DPF3: variants seen among roughly 807,000 people sequenced by gnomAD.
The protein encoded by DPF3 is double PHD fingers 3.
A neutral mutation model predicts 56.8 loss-of-function variants in DPF3; 18 were observed. That is an observed-to-expected ratio of 0.32 (90% CI 0.22 to 0.47). The LOEUF is 0.47. DPF3 is among the 20% of genes least tolerant of loss of function. The probability of loss-of-function intolerance (pLI) is 1.00; values close to 1 mark genes in which losing one functional copy is unlikely to be tolerated. For missense variants in DPF3, 403 were observed against 488.8 expected, an observed-to-expected ratio of 0.82 and a Z score of 1.65; for synonymous variants, 188 against 180.2, an observed-to-expected ratio of 1.04 and a Z score of -0.35.
rs912898554 is a variant in DPF3, at chr14:72,750,890, G to A, written c.301+2374C>T. Among the ~76,000 whole-genome samples, 13 of 144,060 alleles carry A rather than the reference G, an allele frequency of 9.0e-5. No individual in the cohort carries two copies. The Admixed American group carries it at 9.2e-4, about 10-fold the overall frequency. 94.5% of individuals were successfully genotyped at this position (144,060 alleles called of 152,430 possible). On this transcript the variant is annotated intron_variant, in intron 3 of 10. Transcript: ENST00000556509. ...GATACAGTATATCCTTTTATCTTTT[G>A]AATGTCAAAATATGTGACTGCCAGG...
intron 8 of DPF3, among the ~76,000 whole-genome samples, chr14:72,663,753 G>C (rs11849782): frequency 0.41 from 62,448 of 151,922 alleles, 13,450 homozygotes; most frequent in East Asian, 0.69. Context: ...GGAGAAGAGG[G>C]AGAATGGGCC....
chr14:72,627,373 AC>A (rs1343448130), intron 9 of DPF3, among the ~76,000 whole-genome samples: 1 of 152,042 alleles, frequency 6.6e-6, no homozygotes, highest in Non-Finnish European at 1.5e-5. Flanking sequence ...TCAAATGGCT[AC>A]CCCATTGTCC....
At chr14:72,827,663 A>G (rs1283730252) in intron 1 of DPF3, among the ~76,000 whole-genome samples, 1 of 151,926 alleles carries the variant, frequency 6.6e-6, no homozygotes, top group Non-Finnish European at 1.5e-5. Context: ...TACTTTTAGT[A>G]GAGACAGGGC....
chr14:72,763,904 T>G (rs957910878), intron 2 of DPF3, among the ~76,000 whole-genome samples: 3 of 152,200 alleles, frequency 2.0e-5, no homozygotes, highest in Non-Finnish European at 4.4e-5. Flanking sequence ...AATAGCTCAA[T>G]TTTAAAATGG....
chr14:72,804,409 C>A (rs187722770), intron 1 of DPF3, among the ~76,000 whole-genome samples: 19 of 152,278 alleles, frequency 1.2e-4, no homozygotes, highest in Admixed American at 1.2e-3. Flanking sequence ...CTGGATACCA[C>A]CCCACCAGGA....
intron 1 of DPF3, among the ~76,000 whole-genome samples, chr14:72,831,207 C>T (rs1161494498): frequency 2.0e-5 from 3 of 152,132 alleles, no homozygotes; most frequent in South Asian, 2.1e-4. Flanking sequence ...CTCAAGGAAA[C>T]GTGACGCGGG....
At chr14:72,817,454 C>T (rs536488733) in intron 1 of DPF3, among the ~76,000 whole-genome samples, 5 of 152,104 alleles carry the variant, frequency 3.3e-5, no homozygotes, top group Admixed American at 1.3e-4. Flanking sequence ...GTCAGAGGTT[C>T]GAGACCAGCC....
intron 1 of DPF3, among the ~76,000 whole-genome samples, chr14:72,780,773 T>C (rs1227438941): frequency 2.6e-5 from 3 of 114,730 alleles, no homozygotes; most frequent in African/African-American, 1.0e-4. Flanking sequence ...TCTCCTTCTC[T>C]GAACTTTACA....
chr14:72,734,109 G>A (rs1259762195), intron 3 of DPF3, among the ~76,000 whole-genome samples: 1 of 152,216 alleles, frequency 6.6e-6, no homozygotes, highest in African/African-American at 2.4e-5. Context: ...TGGGACTAGG[G>A]ACATAGGAGG....
chr14:72,846,328 C>CTTTT (rs10563066), intron 1 of DPF3, among the ~76,000 whole-genome samples: 52 of 62,444 alleles, frequency 8.3e-4, no homozygotes, highest in Admixed American at 1.8e-3. Flanking sequence ...CCAGGCTAGT[C>CTTTT]TTTTTTTTTT....
intron 1 of DPF3, among the ~76,000 whole-genome samples, chr14:72,802,620 G>A (rs1892935770): frequency 6.6e-6 from 1 of 152,136 alleles, no homozygotes; most frequent in Non-Finnish European, 1.5e-5. Context: ...TAGTTCCTGA[G>A]TACATGGATT....
At chr14:72,629,603 C>T in intron 9 of DPF3, 21 bp downstream of exon 9, 1 of 1,530,408 alleles carries the variant, frequency 6.5e-7, no homozygotes, top group Non-Finnish European at 8.8e-7. Flanking sequence ...CTCCCTCCCA[C>T]AGGGAAAGCC....
intron 1 of DPF3, among the ~76,000 whole-genome samples, chr14:72,842,169 C>A (rs529287427): frequency 6.6e-6 from 1 of 151,818 alleles, no homozygotes; most frequent in East Asian, 1.9e-4. Context: ...ATAATTGGCA[C>A]CCCTTTGGAA....
chr14:72,784,030 T>A (rs1000472304), intron 1 of DPF3, among the ~76,000 whole-genome samples: 1 of 152,146 alleles, frequency 6.6e-6, no homozygotes, highest in Non-Finnish European at 1.5e-5. Context: ...TGCCCTCCTG[T>A]CAGAGTTGGT....
intron 6 of DPF3, among the ~76,000 whole-genome samples, chr14:72,702,137 G>A (rs1053451283): frequency 6.6e-6 from 1 of 152,142 alleles, no homozygotes; most frequent in African/African-American, 2.4e-5. Flanking sequence ...GTGACTGAAA[G>A]GTGCGCTGGT....
chr14:72,622,256 C>G (rs937434424), intron 9 of DPF3, among the ~76,000 whole-genome samples: 1 of 152,126 alleles, frequency 6.6e-6, no homozygotes, highest in African/African-American at 2.4e-5. Context: ...CAAGAGTTTA[C>G]TGAGAAGAAG....
intron 4 of DPF3, among the ~76,000 whole-genome samples, chr14:72,724,296 A>G (rs954041675): frequency 2.6e-5 from 4 of 151,570 alleles, no homozygotes; most frequent in African/African-American, 7.3e-5. Context: ...GAGCTTAAAG[A>G]TAATGAATTT....
intron 1 of DPF3, among the ~76,000 whole-genome samples, chr14:72,804,056 G>A (rs1195145112): frequency 2.0e-5 from 3 of 152,124 alleles, no homozygotes; most frequent in Admixed American, 6.5e-5. Context: ...GTGCAGAGAC[G>A]CCAAGAAACA....
chr14:72,752,654 C>T (rs4903053), intron 3 of DPF3, among the ~76,000 whole-genome samples: 39,198 of 152,142 alleles, frequency 0.26, 5,124 homozygotes, highest in Middle Eastern at 0.34. Flanking sequence ...CAAAGCTAGA[C>T]TCTGTCTCAA....
Sources: allele counts gnomAD v4.1 joint callset (sites outside exome capture counted in the v4.1 genomes callset), GRCh38; gene constraint gnomAD v4.1.1; transcripts MANE v1.5; gene names NCBI Gene and HGNC (gene_info 2026-07-23, HGNC 2026-07-21).